Variants in PHF21A observed in about 807,000 individuals in gnomAD.
The protein encoded by PHF21A is PHD finger protein 21A, also known as BHC80a.
PHF21A carries 11 observed loss-of-function variants against 82.5 expected under a neutral mutation model. The observed-to-expected ratio is 0.13, with a 90% CI of 0.08 to 0.22. The LOEUF is 0.22. Among genes scored for constraint, PHF21A ranks in the 10% least tolerant of loss-of-function variants. PHF21A has a pLI of 1.00. For synonymous variants in PHF21A, 297 were observed against 302.8 expected (o/e 0.98, Z 0.20); for missense variants, 579 against 837.8 (o/e 0.69, Z 3.81).
intron 6 of PHF21A, among the ~76,000 whole-genome samples, chr11:45,981,544 C>A (rs2094287855): frequency 6.6e-6 from 1 of 152,054 alleles, no homozygotes; most frequent in Non-Finnish European, 1.5e-5. Context: ...CTCTGACTCT[C>A]CTGCCCTAAT....
At chr11:45,955,590 T>C (rs1337912803) in intron 10 of PHF21A, among the ~76,000 whole-genome samples, 1 of 152,214 alleles carries the variant, frequency 6.6e-6, no homozygotes, top group Non-Finnish European at 1.5e-5. Context: ...GGCAAATCAA[T>C]TCCTTTCCAC....
At chr11:45,953,692 G>T in intron 10 of PHF21A, 67 bp from the exon 11 acceptor site, 1 of 917,082 alleles carries the variant, frequency 1.1e-6, no homozygotes, top group Non-Finnish European at 1.8e-6. Flanking sequence ...GCAATCAGAA[G>T]TTTAATAGTA....
intron 2 of PHF21A, among the ~76,000 whole-genome samples, 160 bp downstream of exon 2, chr11:46,092,023 G>A (rs893508783): frequency 1.3e-5 from 2 of 151,736 alleles, no homozygotes; most frequent in Non-Finnish European, 2.9e-5. Flanking sequence ...GTATAGCTAC[G>A]TGAAATTAGA....
intron 1 of PHF21A, among the ~76,000 whole-genome samples, chr11:46,108,249 C>T (rs2097173392): frequency 6.6e-6 from 1 of 152,002 alleles, no homozygotes; most frequent in South Asian, 2.1e-4. Context: ...AAACTAGAAT[C>T]ATTTAATTCA....
intron 1 of PHF21A, among the ~76,000 whole-genome samples, chr11:46,106,587 C>T (rs965946419): frequency 6.6e-6 from 1 of 152,174 alleles, no homozygotes; most frequent in Non-Finnish European, 1.5e-5. Context: ...TGCACATATC[C>T]AACTCCATCC....
At chr11:45,941,597 C>CATAGA (rs1354184007) in intron 15 of PHF21A, among the ~76,000 whole-genome samples, 2 of 152,138 alleles carry the variant, frequency 1.3e-5, no homozygotes, top group African/African-American at 4.8e-5. Flanking sequence ...AACTGCTGCC[C>CATAGA]ATAGAAATGA....
At chr11:45,971,609 T>C (rs964643491) in intron 7 of PHF21A, among the ~76,000 whole-genome samples, 4 of 152,186 alleles carry the variant, frequency 2.6e-5, no homozygotes, top group Non-Finnish European at 4.4e-5. Context: ...GGTAAGTTCA[T>C]AGTAATAACT....
intron 6 of PHF21A, among the ~76,000 whole-genome samples, chr11:46,016,259 T>C (rs2095515907): frequency 6.6e-6 from 1 of 152,200 alleles, no homozygotes; most frequent in Admixed American, 6.5e-5. Context: ...TAGAACAATC[T>C]TTCTCAAAAA....
intron 1 of PHF21A, among the ~76,000 whole-genome samples, chr11:46,108,586 T>TATATATATAA (rs886669574): frequency 1.1e-5 from 1 of 94,084 alleles, no homozygotes; most frequent in African/African-American, 3.2e-5. Context: ...TATATATATA[T>TATATATATAA]AAAATACATA....
At chr11:46,036,872 T>C (rs2096015161) in intron 6 of PHF21A, among the ~76,000 whole-genome samples, 1 of 152,178 alleles carries the variant, frequency 6.6e-6, no homozygotes, top group South Asian at 2.1e-4. Flanking sequence ...ATTTTTTATG[T>C]TTAAAAAAAA....
At chr11:46,084,024 G>A in intron 4 of PHF21A, 142 bp downstream of exon 4, 1 of 538,360 alleles carries the variant, frequency 1.9e-6, no homozygotes, top group Non-Finnish European at 3.2e-6. Context: ...GTCGAGTAGT[G>A]GTAAAAGGCA....
intron 6 of PHF21A, among the ~76,000 whole-genome samples, chr11:46,072,199 A>G (rs2096664157): frequency 6.6e-6 from 1 of 152,216 alleles, no homozygotes; most frequent in Non-Finnish European, 1.5e-5. Context: ...ATTCTTACTC[A>G]GTAATAGTCC....
intron 11 of PHF21A, among the ~76,000 whole-genome samples, chr11:45,951,673 G>T (rs991895335): frequency 6.6e-6 from 1 of 152,118 alleles, no homozygotes; most frequent in Admixed American, 6.5e-5. Flanking sequence ...TGTGTGGACT[G>T]ATATTCAGAT....
chr11:46,078,866 T>C (rs766722499), intron 5 of PHF21A, among the ~76,000 whole-genome samples: 1 of 152,102 alleles, frequency 6.6e-6, no homozygotes, highest in Non-Finnish European at 1.5e-5. Context: ...ATGACAAGTA[T>C]TAACTCAATA....
intron 6 of PHF21A, among the ~76,000 whole-genome samples, chr11:46,002,484 C>T (rs2095164097): frequency 6.6e-6 from 1 of 152,072 alleles, no homozygotes; most frequent in Non-Finnish European, 1.5e-5. Context: ...GAGAACCACC[C>T]TCAGCAAATA....
intron 3 of PHF21A, among the ~76,000 whole-genome samples, chr11:46,086,848 A>C (rs1195172963): frequency 6.6e-6 from 1 of 152,240 alleles, no homozygotes. Flanking sequence ...CATTATACAT[A>C]ACAAAGGGCT....
At chr11:46,086,673 T>C (rs2096860680) in intron 3 of PHF21A, among the ~76,000 whole-genome samples, 1 of 152,242 alleles carries the variant, frequency 6.6e-6, no homozygotes, top group Non-Finnish European at 1.5e-5. Flanking sequence ...AGAAAATGTG[T>C]CCAAAATGAT....
intron 6 of PHF21A, among the ~76,000 whole-genome samples, chr11:46,021,807 TC>T (rs1233436023): frequency 6.6e-6 from 1 of 152,114 alleles, no homozygotes; most frequent in Non-Finnish European, 1.5e-5. Context: ...CACCTCAGCA[TC>T]CCAAAGTGCT....
intron 6 of PHF21A, among the ~76,000 whole-genome samples, chr11:46,044,225 G>C (rs917643930): frequency 1.3e-5 from 2 of 151,938 alleles, no homozygotes; most frequent in African/African-American, 4.8e-5. Context: ...TTCAAAAGCT[G>C]TCCTATAGTA....
Sources: allele counts gnomAD v4.1 joint callset (sites outside exome capture counted in the v4.1 genomes callset), GRCh38; gene constraint gnomAD v4.1.1; transcripts MANE v1.5; gene names NCBI Gene and HGNC (gene_info 2026-07-23, HGNC 2026-07-21).